Variants in ANKRD6 observed in about 807,000 individuals in gnomAD.
ANKRD6 encodes the protein ankyrin repeat domain 6.
ANKRD6 carries 56 observed loss-of-function variants against 82.3 expected under a neutral mutation model. The ratio of observed to expected loss-of-function variants is 0.68; its 90% CI spans 0.55 to 0.85. The LOEUF is 0.85. ANKRD6 is among the 40% of genes least tolerant of loss of function. ANKRD6 has a pLI of 0.00. For missense variants in ANKRD6, 852 were observed against 907.6 expected, an observed-to-expected ratio of 0.94 and a Z score of 0.79; for synonymous variants, 347 against 352.1, an observed-to-expected ratio of 0.99 and a Z score of 0.16.
chr6:89,439,726 T>A (rs980781336), intron 1 of ANKRD6, among the ~76,000 whole-genome samples: 7 of 152,120 alleles, frequency 4.6e-5, no homozygotes, highest in Non-Finnish European at 1.0e-4. Context: ...CGAGACAGGG[T>A]CTCATTCTGT....
intron 1 of ANKRD6, among the ~76,000 whole-genome samples, chr6:89,528,505 A>G (rs117347950): frequency 2.4e-3 from 366 of 152,354 alleles, no homozygotes; most frequent in Admixed American, 4.5e-3. Context: ...AGTAAGTTAT[A>G]TCTTCCACTG....
At chr6:89,608,120 G>A (rs1194843907) in intron 5 of ANKRD6, among the ~76,000 whole-genome samples, 1 of 152,214 alleles carries the variant, frequency 6.6e-6, no homozygotes, top group African/African-American at 2.4e-5. Flanking sequence ...CAGTACTCTG[G>A]AGATATTTGC....
At chr6:89,502,181 G>A (rs941992788) in intron 1 of ANKRD6, among the ~76,000 whole-genome samples, 1 of 152,128 alleles carries the variant, frequency 6.6e-6, no homozygotes, top group African/African-American at 2.4e-5. Flanking sequence ...TAGGATAGTA[G>A]GCATATCTGG....
At chr6:89,486,275 A>C (rs1442100376) in intron 1 of ANKRD6, among the ~76,000 whole-genome samples, 1 of 152,236 alleles carries the variant, frequency 6.6e-6, no homozygotes, top group Non-Finnish European at 1.5e-5. Flanking sequence ...ATTGCAGATC[A>C]AGTAGCAGAA....
At chr6:89,508,293 A>G (rs576977367) in intron 1 of ANKRD6, among the ~76,000 whole-genome samples, 24 of 152,276 alleles carry the variant, frequency 1.6e-4, no homozygotes, top group African/African-American at 2.9e-4. Context: ...AGCCTGGACA[A>G]TCTGCCTCCA....
At chr6:89,575,179 A>T (rs1304700024) in intron 2 of ANKRD6, among the ~76,000 whole-genome samples, 1 of 152,202 alleles carries the variant, frequency 6.6e-6, no homozygotes, top group Non-Finnish European at 1.5e-5. Context: ...CAACTAGGTC[A>T]GATAATTTCT....
intron 1 of ANKRD6, among the ~76,000 whole-genome samples, chr6:89,482,761 G>A (rs186948813): frequency 1.1e-4 from 16 of 152,240 alleles, no homozygotes; most frequent in Admixed American, 3.9e-4. Context: ...ATGTATTGAG[G>A]ATGGTCATAC....
chr6:89,479,793 A>G (rs1013051908), intron 1 of ANKRD6, among the ~76,000 whole-genome samples: 1 of 151,894 alleles, frequency 6.6e-6, no homozygotes, highest in African/African-American at 2.4e-5. Context: ...TTGTTTCTTT[A>G]GTGATTGAAT....
intron 1 of ANKRD6, among the ~76,000 whole-genome samples, chr6:89,508,334 A>C (rs1780120020): frequency 6.6e-6 from 1 of 152,120 alleles, no homozygotes; most frequent in Non-Finnish European, 1.5e-5. Flanking sequence ...TGTTGGCTTG[A>C]ACCTTAAAGG....
intron 1 of ANKRD6, among the ~76,000 whole-genome samples, chr6:89,519,735 A>G (rs1781670278): frequency 6.6e-6 from 1 of 152,202 alleles, no homozygotes. Flanking sequence ...AATTCTTGAT[A>G]AATGTCTTTT....
chr6:89,506,943 C>G (rs1043525844), intron 1 of ANKRD6, among the ~76,000 whole-genome samples: 1 of 152,226 alleles, frequency 6.6e-6, no homozygotes, highest in Admixed American at 6.5e-5. Context: ...GCCTCTTCTT[C>G]CATGTGTTGG....
At chr6:89,561,619 T>G (rs956371372) in intron 1 of ANKRD6, 1 of 152,258 alleles carries the variant, frequency 6.6e-6, no homozygotes, top group Non-Finnish European at 1.5e-5. Flanking sequence ...TGGTCCCTGA[T>G]CGTGGCTTTT....
chr6:89,451,846 C>G (rs1241350194), intron 1 of ANKRD6, among the ~76,000 whole-genome samples: 2 of 152,162 alleles, frequency 1.3e-5, no homozygotes, highest in Non-Finnish European at 2.9e-5. Flanking sequence ...CTCTGCTACC[C>G]TTTGAAATTC....
rs778011037 is a variant in ANKRD6 at position 89,629,097 on chromosome 6, G to T, written c.1486-15G>T. The T allele has an allele frequency of 7.1e-5, 96 of 1,346,784 alleles. No individual in the cohort carries two copies. Among genetic ancestry groups the T allele is most frequent in the Admixed American group, 4.1e-4 (21 of 50,618 alleles). 83.4% of individuals were successfully genotyped at this position (1,346,784 alleles called of 1,614,324 possible). On this transcript the variant is annotated splice_polypyrimidine_tract_variant and intron_variant, in intron 14 of 15. Coordinates refer to ENST00000339746, the MANE Select transcript of ANKRD6 (RefSeq NM_001242809.2). ...TTCTATGTACTTATTTGTGGGGTTT[G>T]TTTTTTTTTTTAAGATATCCTTGGT...
At chr6:89,492,458 T>G (rs1409778835) in intron 1 of ANKRD6, among the ~76,000 whole-genome samples, 1 of 152,130 alleles carries the variant, frequency 6.6e-6, no homozygotes, top group African/African-American at 2.4e-5. Flanking sequence ...GCTGTACTTG[T>G]GTGTGTTTGC....
intron 1 of ANKRD6, among the ~76,000 whole-genome samples, chr6:89,489,857 T>C (rs1403176423): frequency 6.6e-6 from 1 of 152,200 alleles, no homozygotes; most frequent in Non-Finnish European, 1.5e-5. Flanking sequence ...ATGAGAATTT[T>C]ATGAAGACCT....
At chr6:89,500,106 G>A (rs1017780764) in intron 1 of ANKRD6, among the ~76,000 whole-genome samples, 1 of 150,892 alleles carries the variant, frequency 6.6e-6, no homozygotes, top group African/African-American at 2.5e-5. Flanking sequence ...CCCACCTCTG[G>A]TGGCTCTTTT....
chr6:89,616,789 C>A, intron 8 of ANKRD6, 132 bp downstream of exon 8: 2 of 895,030 alleles, frequency 2.2e-6, no homozygotes, highest in South Asian at 1.4e-5. Context: ...GGAACCACAG[C>A]CCCCAGGGCC....
At chr6:89,591,258 A>G (rs898203035) in intron 2 of ANKRD6, among the ~76,000 whole-genome samples, 1 of 151,974 alleles carries the variant, frequency 6.6e-6, no homozygotes, top group Non-Finnish European at 1.5e-5. Context: ...CGCACAAAAC[A>G]ACACTCAGCT....
Sources: allele counts gnomAD v4.1 joint callset (sites outside exome capture counted in the v4.1 genomes callset), GRCh38; gene constraint gnomAD v4.1.1; transcripts MANE v1.5; gene names NCBI Gene and HGNC (gene_info 2026-07-23, HGNC 2026-07-21).